The following UTY variants were observed in gnomAD, a reference collection of about 807,000 sequenced individuals.
The protein encoded by UTY is ubiquitously transcribed tetratricopeptide repeat containing, Y-linked, also known as histone demethylase UTY.
Under a neutral mutation model 32.5 loss-of-function variants are expected in UTY, and 12 were observed. The observed-to-expected ratio is 0.37, with a 90% CI of 0.24 to 0.60. The LOEUF (loss-of-function observed/expected upper bound fraction) is 0.60, where lower values mean the gene tolerates loss of function less well. UTY is among the 20% of genes least tolerant of loss of function. The pLI, the probability that UTY is intolerant of heterozygous loss-of-function variation, is 0.69. For missense variants in UTY, 303 were observed against 299.2 expected (o/e 1.01, Z -0.09); for synonymous variants, 131 against 103.4 (o/e 1.27, Z -1.62).
chrY:13,414,271 T>C (rs2071379387), intron 5 of UTY, among the ~76,000 whole-genome samples: 1 of 33,982 alleles, frequency 2.9e-5, no homozygotes, highest in African/African-American at 1.1e-4. Flanking sequence ...AAACAATGTA[T>C]ATTATTCATG....
intron 27 of UTY, among the ~76,000 whole-genome samples, chrY:13,273,853 T>C (rs1603286926): frequency 1.3e-4 from 4 of 31,278 alleles, no homozygotes; most frequent in East Asian, 1.6e-3. Context: ...AATATTTAAA[T>C]ATATTTTTAT....
chrY:13,412,461 C>G, intron 5 of UTY, among the ~76,000 whole-genome samples: 1 of 33,199 alleles, frequency 3.0e-5, no homozygotes, highest in Non-Finnish European at 7.4e-5. Context: ...ATTATACAGA[C>G]ATCACTTAAA....
intron 17 of UTY, among the ~76,000 whole-genome samples, chrY:13,340,094 G>A: frequency 3.0e-5 from 1 of 33,382 alleles, no homozygotes; most frequent in Non-Finnish European, 7.4e-5. Context: ...AACAGACAGG[G>A]AAATAATTGG....
At position 13,324,721 on chromosome Y, in the gene UTY, TA is replaced by T. The variant is rs1422817579; in HGVS notation, c.2965-16del. ...TTATTTTCCAACTGTAAAAGCAAAA[TA>T]TTTTGTTAGGTCTCAGATAAATGAC... On this transcript the variant is annotated splice_polypyrimidine_tract_variant and intron_variant, in intron 19 of 29. Transcript: ENST00000545955. 5.3e-6 allele frequency: 2 copies of T among 379,616 alleles called. No individual in the cohort carries two copies. Among genetic ancestry groups the T allele is most frequent in the Admixed American group, 1.6e-4 (2 of 12,772 alleles). 94.7% of individuals were successfully genotyped at this position (379,616 alleles called of 400,897 possible).
At chrY:13,319,892 T>A (rs754961591) in intron 21 of UTY, among the ~76,000 whole-genome samples, 86 of 33,534 alleles carry the variant, frequency 2.6e-3, no homozygotes, top group Middle Eastern at 0.014. Flanking sequence ...ACCTTTTTTT[T>A]AAAAAAATTA....
At chrY:13,338,900 C>G (rs2061313779) in intron 17 of UTY, among the ~76,000 whole-genome samples, 1 of 33,524 alleles carries the variant, frequency 3.0e-5, no homozygotes, top group Non-Finnish European at 7.4e-5. Flanking sequence ...CCAGCAAGTT[C>G]CTGCTTACTT....
At chrY:13,461,782 C>G (rs2077390044) in intron 3 of UTY, among the ~76,000 whole-genome samples, 1 of 32,458 alleles carries the variant, frequency 3.1e-5, no homozygotes, top group Non-Finnish European at 7.5e-5. Flanking sequence ...TACAGGTGTG[C>G]GCCACCGCAC....
At chrY:13,439,566 C>T in intron 4 of UTY, among the ~76,000 whole-genome samples, 1 of 32,966 alleles carries the variant, frequency 3.0e-5, no homozygotes, top group African/African-American at 1.2e-4. Flanking sequence ...AAGGATGAAC[C>T]GGACAATAAA....
intron 21 of UTY, among the ~76,000 whole-genome samples, chrY:13,314,989 C>T: frequency 3.0e-5 from 1 of 33,882 alleles, no homozygotes. Flanking sequence ...TAACATGGTG[C>T]GGGCACTGAG....
intron 27 of UTY, among the ~76,000 whole-genome samples, chrY:13,284,197 T>C (rs780524687): frequency 2.9e-5 from 1 of 33,978 alleles, no homozygotes; most frequent in Non-Finnish European, 7.3e-5. Flanking sequence ...TAAGGCCTCC[T>C]GAGTACTACT....
intron 17 of UTY, among the ~76,000 whole-genome samples, chrY:13,345,916 A>C (rs952125290): frequency 6.0e-5 from 2 of 33,240 alleles, no homozygotes; most frequent in African/African-American, 2.4e-4. Flanking sequence ...TAAACAAAAA[A>C]GAAGTATTCC....
At chrY:13,259,086 C>G in intron 28 of UTY, among the ~76,000 whole-genome samples, 5 of 34,967 alleles carry the variant, frequency 1.4e-4, no homozygotes, top group Non-Finnish European at 3.6e-4. Flanking sequence ...TAAGGACATG[C>G]TCCTGCTGCA....
chrY:13,435,595 G>A, intron 4 of UTY, among the ~76,000 whole-genome samples: 1 of 34,271 alleles, frequency 2.9e-5, no homozygotes, highest in African/African-American at 1.1e-4. Flanking sequence ...TGAGCCTACT[G>A]GCTCAGGTGC....
At chrY:13,380,224 A>C in intron 8 of UTY, among the ~76,000 whole-genome samples, 1 of 25,968 alleles carries the variant, frequency 3.9e-5, no homozygotes, top group Non-Finnish European at 8.8e-5. Flanking sequence ...GATGTTGCGA[A>C]TATTAGACTA....
Position 13,260,236 on chromosome Y carries a change from G to T in UTY, c.4137+42C>A, listed in dbSNP as rs1465073827. 2.3e-5 allele frequency: 9 copies of T among 383,167 alleles called. No individual in the cohort carries two copies. The African/African-American group carries it at 5.9e-4, about 25-fold the overall frequency. ...AAGCAACAACAATTCAAAACCTAGAGAATCCAAAACAAAACAACTATCAGT... is the reference window on the plus strand; with the variant it reads ...AAGCAACAACAATTCAAAACCTAGATAATCCAAAACAAAACAACTATCAGT... On this transcript the variant is annotated intron_variant, in intron 28 of 29. Transcript: ENST00000545955.
chrY:13,287,192 G>A (rs1603306869), intron 27 of UTY: 1 of 385,958 alleles, frequency 2.6e-6, no homozygotes, highest in Admixed American at 7.5e-5. Flanking sequence ...AAGTGAAGAA[G>A]AAATTTGACT....
chrY:13,467,962 A>G, intron 3 of UTY, among the ~76,000 whole-genome samples: 1 of 32,702 alleles, frequency 3.1e-5, no homozygotes, highest in Non-Finnish European at 7.5e-5. Flanking sequence ...TTTCTTCTCC[A>G]ATTGTTTCCT....
At chrY:13,257,883 C>T (rs369677215) in intron 28 of UTY, among the ~76,000 whole-genome samples, 1 of 32,963 alleles carries the variant, frequency 3.0e-5, no homozygotes, top group East Asian at 8.1e-4. Flanking sequence ...CTGTCATAGA[C>T]GGCAGAAGAA....
intron 21 of UTY, chrY:13,323,157 G>A: frequency 6.6e-6 from 1 of 152,571 alleles, no homozygotes; most frequent in Non-Finnish European, 8.5e-6. Context: ...AGCACTTTGG[G>A]ATGCTGAGGC....
Sources: allele counts gnomAD v4.1 joint callset (sites outside exome capture counted in the v4.1 genomes callset), GRCh38; gene constraint gnomAD v4.1.1; transcripts MANE v1.5; gene names NCBI Gene and HGNC (gene_info 2026-07-23, HGNC 2026-07-21).